Variants in SNTG2 observed in about 807,000 individuals in gnomAD.
The protein encoded by SNTG2 is gamma-2-syntrophin.
SNTG2 carries 74 observed loss-of-function variants against 70.9 expected under a neutral mutation model. The ratio of observed to expected loss-of-function variants is 1.04; its 90% CI spans 0.86 to 1.27. The LOEUF (loss-of-function observed/expected upper bound fraction) is 1.27, where lower values mean the gene tolerates loss of function less well. SNTG2 is among the 50% of genes most tolerant of loss of function. The pLI is 0.00. For missense variants in SNTG2, 717 were observed against 690.7 expected (o/e 1.04, Z -0.43); for synonymous variants, 278 against 273.8 (o/e 1.02, Z -0.15).
intron 14 of SNTG2, among the ~76,000 whole-genome samples, chr2:1,307,349 T>G (rs1680738302): frequency 6.8e-6 from 1 of 147,288 alleles, no homozygotes. Flanking sequence ...GTATGAGCCA[T>G]GCACTCTGTA....
intron 1 of SNTG2, among the ~76,000 whole-genome samples, chr2:997,285 T>TCAGCCATGAGC: frequency 6.6e-6 from 1 of 152,204 alleles, no homozygotes; most frequent in Non-Finnish European, 1.5e-5. Flanking sequence ...AGCCTGGATG[T>TCAGCCATGAGC]CAGCCATGAG....
intron 1 of SNTG2, among the ~76,000 whole-genome samples, chr2:982,644 A>T (rs1368037091): frequency 6.6e-6 from 1 of 152,264 alleles, no homozygotes; most frequent in Admixed American, 6.5e-5. Flanking sequence ...GTCAGCGTGC[A>T]TGCAGTGGGT....
chr2:1,215,151 G>T (rs1175275859), intron 9 of SNTG2, among the ~76,000 whole-genome samples: 1 of 152,142 alleles, frequency 6.6e-6, no homozygotes. Context: ...TTTTGATGAA[G>T]ATGTTTGCAC....
chr2:1,151,695 C>T (rs780556055), intron 6 of SNTG2, among the ~76,000 whole-genome samples: 7 of 152,124 alleles, frequency 4.6e-5, no homozygotes, highest in Non-Finnish European at 8.8e-5. Context: ...ATTTGCTGCG[C>T]GCCCTTTGCC....
chr2:1,025,538 G>A (rs746287092), intron 1 of SNTG2, among the ~76,000 whole-genome samples: 2 of 152,298 alleles, frequency 1.3e-5, no homozygotes, highest in South Asian at 2.1e-4. Flanking sequence ...GCAGGACTGC[G>A]TTCTTTCTGG....
intron 15 of SNTG2, among the ~76,000 whole-genome samples, chr2:1,314,071 A>G (rs1681149595): frequency 6.6e-6 from 1 of 152,206 alleles, no homozygotes; most frequent in African/African-American, 2.4e-5. Flanking sequence ...CTTTTTGTAT[A>G]TAATGTTTTA....
At chr2:1,311,827 C>T (rs1681006424) in intron 15 of SNTG2, among the ~76,000 whole-genome samples, 2 of 152,324 alleles carry the variant, frequency 1.3e-5, no homozygotes, top group African/African-American at 2.4e-5. Flanking sequence ...AGCACTTTTA[C>T]ACCACACTAT....
At chr2:1,238,950 A>G (rs1676866190) in intron 10 of SNTG2, among the ~76,000 whole-genome samples, 1 of 152,166 alleles carries the variant, frequency 6.6e-6, no homozygotes, top group Non-Finnish European at 1.5e-5. Flanking sequence ...AGTTAACCTA[A>G]CACTGGGGGA....
chr2:1,235,746 C>T (rs993546207), intron 9 of SNTG2, among the ~76,000 whole-genome samples: 3 of 152,262 alleles, frequency 2.0e-5, no homozygotes, highest in Admixed American at 1.3e-4. Context: ...GCACCACCCC[C>T]TGTTCCTCCC....
intron 14 of SNTG2, among the ~76,000 whole-genome samples, chr2:1,275,627 T>G (rs1679235882): frequency 6.6e-6 from 1 of 151,888 alleles, no homozygotes; most frequent in Non-Finnish European, 1.5e-5. Flanking sequence ...CTGGGCCTCC[T>G]CATTCCACGA....
chr2:952,445 AT>A (rs775949070), intron 1 of SNTG2, among the ~76,000 whole-genome samples: 1 of 152,236 alleles, frequency 6.6e-6, no homozygotes, highest in Non-Finnish European at 1.5e-5. Flanking sequence ...GACCCACTTG[AT>A]GAGTTATTGG....
At chr2:1,031,528 A>ATTTTTTT (rs745388505) in intron 1 of SNTG2, among the ~76,000 whole-genome samples, 29 of 59,106 alleles carry the variant, frequency 4.9e-4, no homozygotes, top group Non-Finnish European at 7.2e-4. Context: ...ATATATATAT[A>ATTTTTTT]TTTTTTTTTT....
chr2:976,357 A>T (rs1048131753), intron 1 of SNTG2, among the ~76,000 whole-genome samples: 1 of 152,114 alleles, frequency 6.6e-6, no homozygotes, highest in Non-Finnish European at 1.5e-5. Flanking sequence ...TGACATATCG[A>T]TGTTGTGATG....
chr2:1,059,239 G>A (rs982885988), intron 1 of SNTG2: 3 of 152,140 alleles, frequency 2.0e-5, no homozygotes, highest in African/African-American at 7.2e-5. Context: ...CTTAGAGCTG[G>A]AGTGAATATT....
chr2:1,246,333 G>A (rs1331487625), intron 11 of SNTG2, among the ~76,000 whole-genome samples: 2 of 152,176 alleles, frequency 1.3e-5, no homozygotes, highest in African/African-American at 4.8e-5. Context: ...AGTCTCTCCA[G>A]CTTAAGAGTG....
chr2:1,208,763 T>C (rs1445106173), intron 8 of SNTG2, among the ~76,000 whole-genome samples: 1 of 152,144 alleles, frequency 6.6e-6, no homozygotes, highest in Non-Finnish European at 1.5e-5. Flanking sequence ...CATTTCAGGT[T>C]GTTTTGGTTT....
intron 1 of SNTG2, among the ~76,000 whole-genome samples, chr2:991,407 A>ACACACT (rs1553305482): frequency 2.3e-4 from 35 of 151,122 alleles, no homozygotes; most frequent in Non-Finnish European, 3.5e-4. Context: ...ACACACACAC[A>ACACACT]ATTATGACTT....
intron 9 of SNTG2, among the ~76,000 whole-genome samples, chr2:1,220,636 T>G (rs1189759219): frequency 2.6e-5 from 4 of 152,244 alleles, no homozygotes; most frequent in Non-Finnish European, 4.4e-5. Flanking sequence ...AACTTTCTTT[T>G]GACGATAGAA....
chr2:1,359,604 A>G (rs560321068), intron 16 of SNTG2, among the ~76,000 whole-genome samples: 2 of 152,292 alleles, frequency 1.3e-5, no homozygotes, highest in South Asian at 4.1e-4. Flanking sequence ...TTAGGTCTCA[A>G]TGTTTTTGTT....
Sources: gnomAD v4.1 joint callset for allele counts (sites outside exome capture counted in the v4.1 genomes callset) on GRCh38, gnomAD v4.1.1 for gene constraint, MANE v1.5 for transcripts, NCBI Gene and HGNC (gene_info 2026-07-23, HGNC 2026-07-21) for gene names.